POU2F1: variants seen among roughly 807,000 people sequenced by gnomAD.
POU2F1 encodes POU domain, class 2, transcription factor 1.
In POU2F1, 16 loss-of-function variants were observed where a neutral mutation model predicts 84.9. The observed-to-expected ratio is 0.19, with a 90% CI of 0.13 to 0.29. POU2F1 has a LOEUF of 0.29. Ranked by LOEUF, POU2F1 falls within the 10% of genes least tolerant of loss-of-function variation. The probability of loss-of-function intolerance (pLI) is 1.00; values close to 1 mark genes in which losing one functional copy is unlikely to be tolerated. For missense variants in POU2F1, 738 were observed against 942.6 expected, an observed-to-expected ratio of 0.78 and a Z score of 2.84; for synonymous variants, 368 against 368.3, an observed-to-expected ratio of 1.00 and a Z score of 0.01.
At chr1:167,221,138 G>T (rs1366301010) in intron 1 of POU2F1, among the ~76,000 whole-genome samples, 180 bp downstream of exon 1, 1 of 151,456 alleles carries the variant, frequency 6.6e-6, no homozygotes, top group Non-Finnish European at 1.5e-5. Context: ...AAAGAGGCTC[G>T]GAGCGGCCAG....
At chr1:167,264,489 A>G (rs1240782501) in intron 1 of POU2F1, among the ~76,000 whole-genome samples, 2 of 152,172 alleles carry the variant, frequency 1.3e-5, no homozygotes, top group East Asian at 1.9e-4. Context: ...CTTTTAGACC[A>G]TATTGGATTT....
intron 1 of POU2F1, among the ~76,000 whole-genome samples, chr1:167,234,321 GTTAAC>G (rs1199731430): frequency 6.6e-6 from 1 of 152,200 alleles, no homozygotes; most frequent in East Asian, 1.9e-4. Context: ...CAGATCTAAT[GTTAAC>G]TTAGCTTTCA....
chr1:167,362,109 TTCTC>T (rs1659390805), intron 2 of POU2F1, among the ~76,000 whole-genome samples: 1 of 152,186 alleles, frequency 6.6e-6, no homozygotes, highest in South Asian at 2.1e-4. Context: ...GTGTATCTGT[TTCTC>T]TCTCCTTTCC....
chr1:167,269,163 T>TG (rs1652183337), intron 1 of POU2F1, among the ~76,000 whole-genome samples: 1 of 152,134 alleles, frequency 6.6e-6, no homozygotes, highest in African/African-American at 2.4e-5. Flanking sequence ...AAGCTTTAAG[T>TG]GGGAAATTAA....
rs1651293472 is a variant in POU2F1 at position 167,258,202 on chromosome 1, A to AAC, written c.61+37244_61+37245insAC. Among the ~76,000 whole-genome samples the AAC allele has an allele frequency of 4.6e-5, 7 of 152,280 alleles. No individual in the cohort carries two copies. In the South Asian group the frequency reaches 1.4e-3, roughly 32 times the overall value. On this transcript the variant is annotated intron_variant, in intron 1 of 15. Transcript: ENST00000367866. ...AATGAATATGCTCTTACCTCTAGTTATATTGTGACTCCAGAAGTGACTGCG... is the reference window on the plus strand; with the variant it reads ...AATGAATATGCTCTTACCTCTAGTTAACTATTGTGACTCCAGAAGTGACTGCG...
At chr1:167,245,706 C>A (rs1203854149) in intron 1 of POU2F1, among the ~76,000 whole-genome samples, 4 of 151,994 alleles carry the variant, frequency 2.6e-5, no homozygotes, top group Non-Finnish European at 4.4e-5. Flanking sequence ...AGCCACCACA[C>A]CTGGCCCAGC....
chr1:167,250,914 CA>C (rs1365331912), intron 1 of POU2F1, among the ~76,000 whole-genome samples: 2 of 152,190 alleles, frequency 1.3e-5, no homozygotes, highest in Non-Finnish European at 1.5e-5. Context: ...CACATATACA[CA>C]GACTTTATTT....
At chr1:167,285,265 A>T (rs1021253714) in intron 1 of POU2F1, among the ~76,000 whole-genome samples, 2 of 152,280 alleles carry the variant, frequency 1.3e-5, no homozygotes, top group East Asian at 3.9e-4. Context: ...TGTTGAGTAA[A>T]TGTTTACCCG....
intron 2 of POU2F1, among the ~76,000 whole-genome samples, chr1:167,354,397 T>C (rs113808178): frequency 0.025 from 3,853 of 152,158 alleles, 160 homozygotes; most frequent in African/African-American, 0.086. Context: ...GTTCAAGCAA[T>C]TCTCCTGCCT....
chr1:167,416,245 C>A lies in POU2F1; in HGVS notation c.*435C>A. On this transcript the variant is annotated 3_prime_UTR_variant, in exon 16 of 16. Coordinates refer to ENST00000367866, the MANE Select transcript of POU2F1 (RefSeq NM_002697.4). ...CTTGTTTGTCTAAATTTCTTTTTTT[C>A]TTAAAAAAAAAAAATCATTTTTATG... The A allele has an allele frequency of 3.4e-6, 1 of 297,704 alleles. No homozygotes were observed. Among genetic ancestry groups the A allele is most frequent in the Non-Finnish European group, 6.4e-6 (1 of 156,238 alleles). The allele number at this position is 297,704 out of a possible 1,614,324, so 18.4% of individuals were successfully genotyped here.
At chr1:167,246,565 T>C (rs1417105260) in intron 1 of POU2F1, among the ~76,000 whole-genome samples, 3 of 152,308 alleles carry the variant, frequency 2.0e-5, no homozygotes, top group South Asian at 4.1e-4. Context: ...GAAGTATAAA[T>C]TAACACTGAG....
chr1:167,274,509 G>A (rs1436576554), intron 1 of POU2F1, among the ~76,000 whole-genome samples: 2 of 151,876 alleles, frequency 1.3e-5, no homozygotes, highest in East Asian at 1.9e-4. Flanking sequence ...TATGAGGAAG[G>A]TTTCATTTTA....
At chr1:167,288,955 T>G (rs1015216115) in intron 1 of POU2F1, among the ~76,000 whole-genome samples, 2 of 152,246 alleles carry the variant, frequency 1.3e-5, no homozygotes, top group Non-Finnish European at 2.9e-5. Context: ...AACTCAGTGC[T>G]CTTTAAATGG....
chr1:167,305,814 G>A (rs1044899562), intron 1 of POU2F1, among the ~76,000 whole-genome samples: 2 of 152,140 alleles, frequency 1.3e-5, no homozygotes, highest in African/African-American at 2.4e-5. Context: ...AGATTACAAA[G>A]TTGATTACCC....
chr1:167,355,173 T>C (rs1441523882), intron 2 of POU2F1, among the ~76,000 whole-genome samples: 1 of 142,186 alleles, frequency 7.0e-6, no homozygotes, highest in Non-Finnish European at 1.5e-5. Context: ...TTTTTCTTTC[T>C]TTTTTTTTTT....
intron 1 of POU2F1, among the ~76,000 whole-genome samples, chr1:167,270,297 A>C (rs1023875385): frequency 6.6e-6 from 1 of 152,064 alleles, no homozygotes; most frequent in Admixed American, 6.6e-5. Flanking sequence ...TAAAAAAAAA[A>C]GGCCTGTTAA....
intron 1 of POU2F1, among the ~76,000 whole-genome samples, chr1:167,269,978 G>T (rs980036359): frequency 6.7e-6 from 1 of 150,284 alleles, no homozygotes; most frequent in African/African-American, 2.4e-5. Context: ...TTTTTCTGAC[G>T]TTGAGCTAAT....
intron 1 of POU2F1, among the ~76,000 whole-genome samples, chr1:167,306,083 TTCA>T (rs1200489893): frequency 6.6e-6 from 1 of 152,248 alleles, no homozygotes; most frequent in Non-Finnish European, 1.5e-5. Flanking sequence ...ACATTCTTTC[TTCA>T]TCTGCTTTTG....
intron 1 of POU2F1, among the ~76,000 whole-genome samples, chr1:167,250,265 AGGTTGTTAGAATTCT>A (rs1357377621): frequency 2.0e-5 from 3 of 152,198 alleles, no homozygotes; most frequent in African/African-American, 7.2e-5. Context: ...AGAATTGTTT[AGGTTGTTAGAATTCT>A]GGTTGTTAGA....
Sources: gnomAD v4.1 joint callset for allele counts (sites outside exome capture counted in the v4.1 genomes callset) on GRCh38, gnomAD v4.1.1 for gene constraint, MANE v1.5 for transcripts, NCBI Gene and HGNC (gene_info 2026-07-23, HGNC 2026-07-21) for gene names.